SIPA1L1: variants seen among roughly 807,000 people sequenced by gnomAD.
SIPA1L1 encodes the protein signal-induced proliferation-associated 1-like protein 1.
SIPA1L1 carries 26 observed loss-of-function variants against 162.7 expected under a neutral mutation model. The observed-to-expected ratio is 0.16, with a 90% confidence interval of 0.12 to 0.22. The LOEUF is 0.22. Among genes scored for constraint, SIPA1L1 ranks in the 10% least tolerant of loss-of-function variants. The pLI is 1.00. For missense variants in SIPA1L1, 1,874 were observed against 2,241.0 expected (o/e 0.84, Z 3.31); for synonymous variants, 829 against 837.4 (o/e 0.99, Z 0.17).
At chr14:71,688,496 T>C (rs958831752) in intron 13 of SIPA1L1, among the ~76,000 whole-genome samples, 1 of 152,242 alleles carries the variant, frequency 6.6e-6, no homozygotes, top group Non-Finnish European at 1.5e-5. Context: ...TCAGTCCTTC[T>C]TGAGTCCCCA....
intron 17 of SIPA1L1, among the ~76,000 whole-genome samples, chr14:71,710,081 G>A (rs371942355): frequency 2.0e-5 from 3 of 152,272 alleles, no homozygotes; most frequent in South Asian, 2.1e-4. Context: ...ACAGAGCATC[G>A]TTTGCGATGC....
intron 2 of SIPA1L1, among the ~76,000 whole-genome samples, chr14:71,492,654 CAG>C (rs1459853475): frequency 2.0e-5 from 3 of 152,172 alleles, no homozygotes; most frequent in Non-Finnish European, 4.4e-5. Context: ...TCTTATTTTT[CAG>C]AGACAGGAGC....
chr14:71,392,614 G>T (rs1305966515), intron 2 of SIPA1L1, among the ~76,000 whole-genome samples: 1 of 151,854 alleles, frequency 6.6e-6, no homozygotes. Context: ...TGCAAGCCCC[G>T]CCTTCCGGCT....
chr14:71,656,281 C>T (rs2043048530), intron 8 of SIPA1L1, among the ~76,000 whole-genome samples: 1 of 152,058 alleles, frequency 6.6e-6, no homozygotes, highest in Non-Finnish European at 1.5e-5. Flanking sequence ...TGGCAGTAAT[C>T]CTTTTAGAAC....
chr14:71,697,114 T>C (rs1436016132), intron 13 of SIPA1L1, among the ~76,000 whole-genome samples: 1 of 152,098 alleles, frequency 6.6e-6, no homozygotes, highest in Non-Finnish European at 1.5e-5. Context: ...AAGCTTTGAA[T>C]AGGCTTTTAG....
At chr14:71,590,410 T>G (rs1178113275) in intron 5 of SIPA1L1, among the ~76,000 whole-genome samples, 1 of 152,114 alleles carries the variant, frequency 6.6e-6, no homozygotes, top group Non-Finnish European at 1.5e-5. Context: ...TTCCACTGTT[T>G]TGGGGTTTTG....
chr14:71,472,849 A>AG (rs2047567346), intron 2 of SIPA1L1, among the ~76,000 whole-genome samples: 1 of 866 alleles, frequency 1.2e-3, no homozygotes, highest in Admixed American at 0.071. Context: ...ATGAAAACTT[A>AG]AAAAAAAAAA....
At chr14:71,676,991 A>G (rs2045274253) in intron 12 of SIPA1L1, among the ~76,000 whole-genome samples, 1 of 152,232 alleles carries the variant, frequency 6.6e-6, no homozygotes, top group Non-Finnish European at 1.5e-5. Context: ...GTGTATACCC[A>G]GTAATGGGAT....
chr14:71,657,018 C>T (rs1165548478), intron 8 of SIPA1L1, among the ~76,000 whole-genome samples: 7 of 152,120 alleles, frequency 4.6e-5, no homozygotes, highest in African/African-American at 1.4e-4. Context: ...CTGAGAGCAT[C>T]GTTCTCTAAA....
intron 12 of SIPA1L1, among the ~76,000 whole-genome samples, chr14:71,684,081 A>C (rs994725930): frequency 1.9e-4 from 29 of 152,136 alleles, no homozygotes; most frequent in African/African-American, 6.5e-4. Context: ...GGCTTTTGGG[A>C]CATTTGGGGG....
intron 2 of SIPA1L1, among the ~76,000 whole-genome samples, chr14:71,510,474 C>T (rs1482625692): frequency 6.6e-6 from 1 of 152,138 alleles, no homozygotes; most frequent in Non-Finnish European, 1.5e-5. Flanking sequence ...AGGTGCGAGC[C>T]ACCACGCCTG....
chr14:71,428,382 T>C (rs964848912), intron 2 of SIPA1L1, among the ~76,000 whole-genome samples: 4 of 151,898 alleles, frequency 2.6e-5, no homozygotes, highest in African/African-American at 7.3e-5. Flanking sequence ...TTTTTTTTTC[T>C]TTTTTACTGG....
chr14:71,457,600 A>ATTT (rs111424697), intron 2 of SIPA1L1, among the ~76,000 whole-genome samples: 1 of 135,878 alleles, frequency 7.4e-6, no homozygotes, highest in Non-Finnish European at 1.6e-5. Flanking sequence ...CCCAGCCGAC[A>ATTT]TTTTTTTTTT....
At chr14:71,335,054 G>A (rs1026668293) in intron 2 of SIPA1L1, among the ~76,000 whole-genome samples, 1 of 152,154 alleles carries the variant, frequency 6.6e-6, no homozygotes, top group African/African-American at 2.4e-5. Context: ...AATCCCAAGC[G>A]CTTTGGGAGG....
intron 20 of SIPA1L1, 110 bp from the exon 21 acceptor site, chr14:71,733,556 A>G (rs2152845247): frequency 2.7e-6 from 3 of 1,126,660 alleles, no homozygotes; most frequent in Non-Finnish European, 3.8e-6. Context: ...CTGGACATTG[A>G]TAACAGTCAC....
chr14:71,389,846 T>C (rs2040609504), intron 2 of SIPA1L1, among the ~76,000 whole-genome samples: 1 of 152,180 alleles, frequency 6.6e-6, no homozygotes, highest in Admixed American at 6.5e-5. Context: ...TGTTTCCTCA[T>C]CTGAAGGGCT....
At chr14:71,685,327 CCATT>C in intron 12 of SIPA1L1, 31 bp from the exon 13 acceptor site, 1 of 1,606,974 alleles carries the variant, frequency 6.2e-7, no homozygotes, top group Non-Finnish European at 8.5e-7. Flanking sequence ...AAAGCAGTAT[CCATT>C]GTGTTTCTCC....
At position 71,618,745 on chromosome 14, in the gene SIPA1L1, AT is replaced by A. The variant is rs146845417; in HGVS notation, c.1499-8del. The A allele has an allele frequency of 0.031, 50,201 of 1,609,562 alleles. 904 individuals are homozygous for A. The highest frequency in any genetic ancestry group is 0.036 in the Non-Finnish European group (42,382 of 1,177,966). On this transcript the variant is annotated splice_polypyrimidine_tract_variant and intron_variant, in intron 5 of 23. Transcript: ENST00000381232. The stretch of plus-strand genomic sequence containing the variant: ...AGATTTTCTAACTTTGTTTTGTCTT[AT>A]TTTACCTAAGAACACTGGAACTATT...
chr14:71,512,384 C>G (rs755746170), intron 2 of SIPA1L1, among the ~76,000 whole-genome samples: 2 of 151,800 alleles, frequency 1.3e-5, no homozygotes, highest in Non-Finnish European at 2.9e-5. Context: ...GTCAGGAGAT[C>G]GAGACCATCC....
Sources: gnomAD v4.1 joint callset for allele counts (sites outside exome capture counted in the v4.1 genomes callset) on GRCh38, gnomAD v4.1.1 for gene constraint, MANE v1.5 for transcripts, NCBI Gene and HGNC (gene_info 2026-07-23, HGNC 2026-07-21) for gene names.